The following KCNN2 variants were observed in gnomAD, a reference collection of about 807,000 sequenced individuals.
KCNN2 encodes the protein small conductance calcium-activated potassium channel protein 2.
In KCNN2, 24 loss-of-function variants were observed where a neutral mutation model predicts 55.5. The observed-to-expected ratio is 0.43, with a 90% CI of 0.31 to 0.61. The LOEUF (loss-of-function observed/expected upper bound fraction) is 0.61, where lower values mean the gene tolerates loss of function less well. KCNN2 is among the 20% of genes least tolerant of loss of function. KCNN2 has a pLI of 0.08. For synonymous variants in KCNN2, 431 were observed against 336.1 expected (o/e 1.28, Z -3.09); for missense variants, 754 against 853.6 (o/e 0.88, Z 1.45).
intron 2 of KCNN2, among the ~76,000 whole-genome samples, chr5:114,226,206 T>A (rs902789769): frequency 9.9e-5 from 15 of 152,194 alleles, no homozygotes; most frequent in African/African-American, 3.6e-4. Context: ...GTTCTTAAAA[T>A]GCAGAGTACA....
At chr5:114,293,226 A>G (rs1023683942) in intron 2 of KCNN2, among the ~76,000 whole-genome samples, 3 of 152,096 alleles carry the variant, frequency 2.0e-5, no homozygotes, top group Non-Finnish European at 4.4e-5. Flanking sequence ...TTTCAACACT[A>G]TGTTGAATAG....
chr5:114,056,371 G>A (rs1253192310), exon 1 of KCNN2: 17 of 398,526 alleles, frequency 4.3e-5, no homozygotes, highest in Middle Eastern at 6.2e-4. Context: ...TTCTCCCGGT[G>A]AACCTGCCGG....
chr5:114,144,026 G>A (rs551028152), intron 1 of KCNN2, among the ~76,000 whole-genome samples: 41 of 152,240 alleles, frequency 2.7e-4, no homozygotes, highest in African/African-American at 8.4e-4. Flanking sequence ...TAGATAACCC[G>A]TCAGATATAC....
At chr5:114,393,290 G>A (rs1202444836) in intron 2 of KCNN2, among the ~76,000 whole-genome samples, 1 of 152,090 alleles carries the variant, frequency 6.6e-6, no homozygotes, top group African/African-American at 2.4e-5. Context: ...ATTTATTTTT[G>A]TTCATGCTGT....
At chr5:114,296,810 T>C (rs1424124669) in intron 2 of KCNN2, among the ~76,000 whole-genome samples, 1 of 152,216 alleles carries the variant, frequency 6.6e-6, no homozygotes, top group Non-Finnish European at 1.5e-5. Flanking sequence ...GAGAAACATC[T>C]TCATATTTTG....
chr5:114,259,543 A>T (rs1203498797), intron 2 of KCNN2, among the ~76,000 whole-genome samples: 1 of 152,138 alleles, frequency 6.6e-6, no homozygotes, highest in Non-Finnish European at 1.5e-5. Context: ...TGGGTGCAGC[A>T]CACCAACATG....
intron 2 of KCNN2, among the ~76,000 whole-genome samples, chr5:114,316,798 T>C (rs1756510298): frequency 6.6e-6 from 1 of 152,200 alleles, no homozygotes. Flanking sequence ...AAGGCATATA[T>C]GTGTGTGTAT....
intron 2 of KCNN2, among the ~76,000 whole-genome samples, chr5:114,265,390 T>C (rs910411507): frequency 6.6e-6 from 1 of 151,542 alleles, no homozygotes; most frequent in African/African-American, 2.4e-5. Context: ...TTATGAGAAA[T>C]TGACTCATGT....
At chr5:114,423,483 T>G (rs1365784620) in intron 3 of KCNN2, among the ~76,000 whole-genome samples, 1 of 152,142 alleles carries the variant, frequency 6.6e-6, no homozygotes, top group Non-Finnish European at 1.5e-5. Context: ...TTGCCCTTAC[T>G]TATATTAAGA....
At chr5:114,415,357 A>C (rs1759272984) in intron 3 of KCNN2, among the ~76,000 whole-genome samples, 1 of 152,214 alleles carries the variant, frequency 6.6e-6, no homozygotes, top group Non-Finnish European at 1.5e-5. Flanking sequence ...TTACAAACCC[A>C]CCAGCAATCG....
intron 2 of KCNN2, among the ~76,000 whole-genome samples, chr5:114,342,518 C>T (rs1757035167): frequency 6.6e-6 from 1 of 152,118 alleles, no homozygotes; most frequent in African/African-American, 2.4e-5. Flanking sequence ...ATTTCATAGA[C>T]TTTAGATCAC....
chr5:114,096,427 A>G (rs570948034), intron 1 of KCNN2, among the ~76,000 whole-genome samples: 2 of 152,156 alleles, frequency 1.3e-5, no homozygotes, highest in Non-Finnish European at 2.9e-5. Context: ...ACATAATACA[A>G]TTGAAATAAG....
chr5:114,374,076 T>C (rs961398475), intron 2 of KCNN2, among the ~76,000 whole-genome samples: 1 of 152,084 alleles, frequency 6.6e-6, no homozygotes, highest in African/African-American at 2.4e-5. Flanking sequence ...TCAGGTACTA[T>C]GATGTTAGGC....
intron 1 of KCNN2, among the ~76,000 whole-genome samples, chr5:114,074,293 C>CGTGT (rs371882287): frequency 0.047 from 6,820 of 144,470 alleles, 184 homozygotes; most frequent in African/African-American, 0.065. Flanking sequence ...GCCATGTTTG[C>CGTGT]GTGTGTGTGT....
At chr5:114,430,843 T>C (rs928098773) in intron 3 of KCNN2, among the ~76,000 whole-genome samples, 1 of 152,122 alleles carries the variant, frequency 6.6e-6, no homozygotes, top group Non-Finnish European at 1.5e-5. Flanking sequence ...TCTGCATCTA[T>C]TGATATGATT....
At chr5:114,056,307 C>T (rs1039064133) in exon 1 of KCNN2, 4 of 398,358 alleles carry the variant, frequency 1.0e-5, no homozygotes, top group Non-Finnish European at 1.8e-5. Context: ...ATTTGACGCC[C>T]GAGAGGCAGA....
At chr5:114,430,463 C>A (rs1759756874) in intron 3 of KCNN2, among the ~76,000 whole-genome samples, 1 of 151,984 alleles carries the variant, frequency 6.6e-6, no homozygotes, top group Non-Finnish European at 1.5e-5. Flanking sequence ...TCTTTGTATC[C>A]TGCAACCTTG....
chr5:114,284,084 T>G (rs546174854), intron 2 of KCNN2, among the ~76,000 whole-genome samples: 5 of 152,298 alleles, frequency 3.3e-5, no homozygotes, highest in African/African-American at 9.6e-5. Flanking sequence ...CTTTTCACTT[T>G]AAAGAACTCC....
intron 2 of KCNN2, among the ~76,000 whole-genome samples, chr5:114,384,977 T>C (rs1330062959): frequency 6.6e-6 from 1 of 152,242 alleles, no homozygotes; most frequent in African/African-American, 2.4e-5. Context: ...TATGTTTTTT[T>C]CTACATGTAC....
Sources: allele counts gnomAD v4.1 joint callset (sites outside exome capture counted in the v4.1 genomes callset), GRCh38; gene constraint gnomAD v4.1.1; transcripts MANE v1.5; gene names NCBI Gene and HGNC (gene_info 2026-07-23, HGNC 2026-07-21).